The following SPINK1 variants were observed in gnomAD, a reference collection of about 807,000 sequenced individuals.
SPINK1 encodes the protein serine protease inhibitor Kazal-type 1.
A neutral mutation model predicts 9.5 loss-of-function variants in SPINK1; 5 were observed. That is an observed-to-expected ratio of 0.52 (90% CI 0.27 to 1.10). The LOEUF is 1.10. SPINK1 is among the 50% of genes least tolerant of loss of function. The pLI is 0.11. For missense variants in SPINK1, 88 were observed against 92.7 expected, an observed-to-expected ratio of 0.95 and a Z score of 0.21; for synonymous variants, 37 against 32.3, an observed-to-expected ratio of 1.14 and a Z score of -0.49.
At chr5:147,829,765 T>C in intron 1 of SPINK1, 135 bp from the exon 2 acceptor site, 1 of 834,956 alleles carries the variant, frequency 1.2e-6, no homozygotes. Flanking sequence ...CTTTCTGATT[T>C]CTCTAATCTT....
At chr5:147,831,285 T>C (rs1265077598) in intron 1 of SPINK1, among the ~76,000 whole-genome samples, 4 of 152,192 alleles carry the variant, frequency 2.6e-5, no homozygotes, top group Non-Finnish European at 5.9e-5. Flanking sequence ...GTCAGCCACA[T>C]CAATAGAGGA....
chr5:147,826,450 A>G, intron 3 of SPINK1, among the ~76,000 whole-genome samples: 1 of 152,240 alleles, frequency 6.6e-6, no homozygotes, highest in Non-Finnish European at 1.5e-5. Context: ...TTGAACAAAT[A>G]GAAAGAATAA....
At chr5:147,831,882 G>A (rs1000647586), upstream of SPINK1, 63 of 1,181,552 alleles carry the variant, frequency 5.3e-5, no homozygotes, top group Admixed American at 2.4e-4. Context: ...TGTGGTTGTG[G>A]GAAAGTCATT....
chr5:147,832,719 A>G (rs1453481867), upstream of SPINK1, among the ~76,000 whole-genome samples: 1 of 152,162 alleles, frequency 6.6e-6, no homozygotes, highest in African/African-American at 2.4e-5. Flanking sequence ...GGCTGTTGCT[A>G]TGGAATAATT....
the SPINK1 span, among the ~76,000 whole-genome samples, chr5:147,837,653 C>CTTTA: frequency 1.6e-5 from 1 of 64,082 alleles, no homozygotes; most frequent in Non-Finnish European, 3.2e-5. Context: ...AACTTCTTTT[C>CTTTA]TTTCTTTCTT....
At chr5:147,827,054 T>C (rs1756419295) in intron 3 of SPINK1, 1 of 152,152 alleles carries the variant, frequency 6.6e-6, no homozygotes, top group African/African-American at 2.4e-5. Context: ...TTCAGAACTC[T>C]ATTTAAATGG....
chr5:147,824,821 G>A (rs988130790), intron 3 of SPINK1, 115 bp from the exon 4 acceptor site: 2 of 901,398 alleles, frequency 2.2e-6, no homozygotes, highest in African/African-American at 3.3e-5. Context: ...AGAGGTTTGA[G>A]ATTTATAATC....
intron 2 of SPINK1, among the ~76,000 whole-genome samples, chr5:147,828,359 CTCAG>C (rs1756449132): frequency 6.6e-6 from 1 of 152,180 alleles, no homozygotes; most frequent in Non-Finnish European, 1.5e-5. Context: ...CCTTCTGAAA[CTCAG>C]TCAGTTCATC....
the SPINK1 span, among the ~76,000 whole-genome samples, chr5:147,837,726 G>A: frequency 1.4e-5 from 1 of 73,534 alleles, no homozygotes; most frequent in Non-Finnish European, 3.0e-5. Flanking sequence ...TTTTGGGATG[G>A]AGTCTCACTC....
rs553796065 is a variant in SPINK1, at chr5:147,828,894, C to A, written c.87+705G>T. On this transcript the variant is annotated intron_variant, in intron 2 of 3. Coordinates refer to ENST00000296695, the MANE Select transcript of SPINK1 (RefSeq NM_001379610.1). ...CCACCAGTTTTGTTTTACTAACACT[C>A]ATTTTTTTTTTTTGGCTCAAAATAA... is the stretch of plus-strand genomic sequence containing the variant. Among the ~76,000 whole-genome samples the A allele has an allele frequency of 4.0e-3, 597 of 147,868 alleles. 3 individuals are homozygous for A. Among genetic ancestry groups the A allele is most frequent in the Non-Finnish European group, 6.4e-3 (426 of 66,290 alleles).
At chr5:147,832,093 C>A (rs2127139224), upstream of SPINK1, among the ~76,000 whole-genome samples, 1 of 152,266 alleles carries the variant, frequency 6.6e-6, no homozygotes, top group African/African-American at 2.4e-5. Context: ...TTCCCTCACT[C>A]ATTCACAAAA....
chr5:147,837,544 T>C, the SPINK1 span, among the ~76,000 whole-genome samples: 1 of 152,194 alleles, frequency 6.6e-6, no homozygotes, highest in Non-Finnish European at 1.5e-5. Flanking sequence ...ATGTCAAATT[T>C]GGGATCAACT....
chr5:147,835,816 T>C (rs1756586087), upstream of SPINK1, among the ~76,000 whole-genome samples: 1 of 152,138 alleles, frequency 6.6e-6, no homozygotes, highest in Non-Finnish European at 1.5e-5. Flanking sequence ...GAGACCTCCT[T>C]GACATTTGGA....
At chr5:147,837,649 TTTTCTTTCTTTCTTTCTTTC>T in the SPINK1 span, among the ~76,000 whole-genome samples, 802 of 107,110 alleles carry the variant, frequency 7.5e-3, 4 homozygotes, top group East Asian at 0.034. Flanking sequence ...CATTAACTTC[TTTTCTTTCTTTCTTTCTTTC>T]TTTCTTTCTT....
upstream of SPINK1, among the ~76,000 whole-genome samples, chr5:147,836,107 TC>T (rs1756590664): frequency 6.6e-6 from 1 of 152,106 alleles, no homozygotes; most frequent in Admixed American, 6.6e-5. Flanking sequence ...CTCCTCCTCA[TC>T]ATTATCATTA....
chr5:147,824,772 A>C, intron 3 of SPINK1, 66 bp from the exon 4 acceptor site: 1 of 1,424,148 alleles, frequency 7.0e-7, no homozygotes, highest in Non-Finnish European at 9.9e-7. Context: ...ACTATGGGAG[A>C]AAAACAGGGG....
intron 3 of SPINK1, among the ~76,000 whole-genome samples, chr5:147,825,031 C>A (rs1689333537): frequency 1.3e-5 from 2 of 152,164 alleles, no homozygotes; most frequent in Non-Finnish European, 2.9e-5. Flanking sequence ...CTCCTGATGC[C>A]TCTGCCTTCG....
At chr5:147,829,424 A>G (rs951750034) in intron 2 of SPINK1, among the ~76,000 whole-genome samples, 175 bp downstream of exon 2, 1 of 152,202 alleles carries the variant, frequency 6.6e-6, no homozygotes. Flanking sequence ...TTGTCCTTCA[A>G]TATACGCCTG....
chr5:147,836,681 T>G, the SPINK1 span, among the ~76,000 whole-genome samples: 1,178 of 152,222 alleles, frequency 7.7e-3, 18 homozygotes, highest in African/African-American at 0.027. Flanking sequence ...ACAAAATATT[T>G]TAAAAACATG....
Sources: gnomAD v4.1 joint callset for allele counts (sites outside exome capture counted in the v4.1 genomes callset) on GRCh38, gnomAD v4.1.1 for gene constraint, MANE v1.5 for transcripts, NCBI Gene and HGNC (gene_info 2026-07-23, HGNC 2026-07-21) for gene names.